TTC28: variants seen among roughly 807,000 people sequenced by gnomAD.
TTC28 encodes tetratricopeptide repeat domain 28.
TTC28 carries 61 observed loss-of-function variants against 198.0 expected under a neutral mutation model. The ratio of observed to expected loss-of-function variants is 0.31; its 90% CI spans 0.25 to 0.38. The LOEUF is 0.38. Among genes scored for constraint, TTC28 ranks in the 10% least tolerant of loss-of-function variants. TTC28 has a pLI of 1.00. For missense variants in TTC28, 2,678 were observed against 3,164.0 expected (o/e 0.85, Z 3.69); for synonymous variants, 1,171 against 1,297.8 (o/e 0.90, Z 2.10).
intron 2 of TTC28, among the ~76,000 whole-genome samples, chr22:28,450,497 T>C (rs184235816): frequency 1.2e-4 from 18 of 152,320 alleles, no homozygotes; most frequent in African/African-American, 4.3e-4. Context: ...CCTATGATTT[T>C]TGAGATTAAA....
intron 6 of TTC28, among the ~76,000 whole-genome samples, chr22:28,150,600 G>C: frequency 6.6e-6 from 1 of 152,212 alleles, no homozygotes; most frequent in East Asian, 1.9e-4. Flanking sequence ...GCTCAGTGCA[G>C]TCACATGGCA....
chr22:28,544,417 A>G (rs2049491532), intron 2 of TTC28, among the ~76,000 whole-genome samples: 1 of 152,232 alleles, frequency 6.6e-6, no homozygotes, highest in Non-Finnish European at 1.5e-5. Flanking sequence ...CTTTTTAACA[A>G]GTCTCATCAA....
intron 14 of TTC28, among the ~76,000 whole-genome samples, chr22:28,003,685 G>A (rs1937806910): frequency 6.6e-6 from 1 of 152,232 alleles, no homozygotes; most frequent in South Asian, 2.1e-4. Context: ...ATGGAGAAGT[G>A]AGGCTGGAAT....
At position 28,595,675 on chromosome 22, in the gene TTC28, T is replaced by C. The variant is rs566330521; in HGVS notation, c.381+33877A>G. On this transcript the variant is annotated intron_variant, in intron 2 of 22. Coordinates refer to ENST00000397906, the MANE Select transcript of TTC28 (RefSeq NM_001145418.2). ...GCGCAGTGACTCACGCCTGTAATCATAGCACTTTGGGAGGCCGAGGCAGGC... is the reference window on the plus strand; with the variant it reads ...GCGCAGTGACTCACGCCTGTAATCACAGCACTTTGGGAGGCCGAGGCAGGC... Among the ~76,000 whole-genome samples, 4 of 152,242 alleles carry C rather than the reference T, an allele frequency of 2.6e-5. No homozygotes were observed. The South Asian group carries it at 6.2e-4, about 24-fold the overall frequency.
At chr22:28,352,312 C>CATATATATACATATAT (rs2046008837) in intron 2 of TTC28, among the ~76,000 whole-genome samples, 2 of 142,740 alleles carry the variant, frequency 1.4e-5, no homozygotes, top group African/African-American at 5.3e-5. Flanking sequence ...GAGATATATA[C>CATATATATACATATAT]ATATATATAT....
At chr22:28,458,660 T>C (rs1031849787) in intron 2 of TTC28, among the ~76,000 whole-genome samples, 2 of 151,982 alleles carry the variant, frequency 1.3e-5, no homozygotes, top group Admixed American at 1.3e-4. Flanking sequence ...GGTGGGTGGA[T>C]CACGAGGTCA....
At chr22:28,475,724 G>A (rs949770566) in intron 2 of TTC28, among the ~76,000 whole-genome samples, 1 of 152,116 alleles carries the variant, frequency 6.6e-6, no homozygotes, top group African/African-American at 2.4e-5. Flanking sequence ...TGCTATAAAT[G>A]TACTTTAAGT....
chr22:28,086,577 G>A (rs990064796), intron 12 of TTC28, among the ~76,000 whole-genome samples: 2 of 152,086 alleles, frequency 1.3e-5, no homozygotes, highest in Middle Eastern at 3.2e-3. Context: ...ATCCAAAATT[G>A]ACACCCTAAC....
intron 1 of TTC28, among the ~76,000 whole-genome samples, chr22:28,648,709 G>C (rs1301055071): frequency 6.6e-6 from 1 of 152,122 alleles, no homozygotes; most frequent in Non-Finnish European, 1.5e-5. Context: ...CAGAATTCGA[G>C]ACCAGCCTGG....
intron 2 of TTC28, among the ~76,000 whole-genome samples, chr22:28,485,957 A>G (rs1162730999): frequency 1.3e-5 from 2 of 152,134 alleles, no homozygotes; most frequent in East Asian, 3.9e-4. Context: ...TTTGGTGTTG[A>G]TAAATTTAAG....
intron 12 of TTC28, among the ~76,000 whole-genome samples, chr22:28,091,675 G>C: frequency 6.6e-6 from 1 of 152,128 alleles, no homozygotes; most frequent in Non-Finnish European, 1.5e-5. Context: ...TGCTCTCTTA[G>C]ATCCCTGCTG....
chr22:28,214,353 A>G (rs1927194108), intron 5 of TTC28, among the ~76,000 whole-genome samples: 1 of 152,212 alleles, frequency 6.6e-6, no homozygotes, highest in South Asian at 2.1e-4. Context: ...CAACCTACAG[A>G]AAGGGAGAAA....
intron 5 of TTC28, among the ~76,000 whole-genome samples, chr22:28,166,977 C>A (rs1027508035): frequency 6.6e-6 from 1 of 151,782 alleles, no homozygotes; most frequent in Non-Finnish European, 1.5e-5. Context: ...CAATAAAAAA[C>A]GACAAAGGGG....
chr22:28,536,607 G>A (rs979423080), intron 2 of TTC28, among the ~76,000 whole-genome samples: 1 of 152,154 alleles, frequency 6.6e-6, no homozygotes, highest in Non-Finnish European at 1.5e-5. Context: ...CTGGGCGACA[G>A]AGCGAGACTC....
At chr22:28,254,180 T>C (rs1274498644) in intron 5 of TTC28, among the ~76,000 whole-genome samples, 3 of 151,884 alleles carry the variant, frequency 2.0e-5, no homozygotes, top group African/African-American at 7.3e-5. Context: ...TAATCTTAGT[T>C]TGGGGTACCT....
intron 2 of TTC28, among the ~76,000 whole-genome samples, chr22:28,380,054 C>T (rs762291882): frequency 2.0e-5 from 3 of 150,988 alleles, no homozygotes; most frequent in South Asian, 4.2e-4. Flanking sequence ...TTCTTCAAAA[C>T]GTTAACATTA....
intron 2 of TTC28, among the ~76,000 whole-genome samples, chr22:28,382,795 G>C (rs1569294486): frequency 6.6e-6 from 1 of 152,034 alleles, no homozygotes; most frequent in African/African-American, 2.4e-5. Flanking sequence ...AATTATAAAG[G>C]GGCAAATTCA....
At chr22:28,323,367 A>G (rs760395103) in intron 2 of TTC28, among the ~76,000 whole-genome samples, 1 of 152,242 alleles carries the variant, frequency 6.6e-6, no homozygotes, top group Non-Finnish European at 1.5e-5. Context: ...CCTCAACGGA[A>G]TTCAAGATAA....
chr22:28,199,382 ATTATAT>A (rs1569193296), intron 5 of TTC28, among the ~76,000 whole-genome samples: 1 of 72,176 alleles, frequency 1.4e-5, no homozygotes, highest in South Asian at 5.6e-4. Context: ...TACATTAAAA[ATTATAT>A]ATATATATAT....
Sources: gnomAD v4.1 joint callset for allele counts (sites outside exome capture counted in the v4.1 genomes callset) on GRCh38, gnomAD v4.1.1 for gene constraint, MANE v1.5 for transcripts, NCBI Gene and HGNC (gene_info 2026-07-23, HGNC 2026-07-21) for gene names.